Variants in TNRC18 observed in about 807,000 individuals in gnomAD.
The protein encoded by TNRC18 is trinucleotide repeat-containing gene 18 protein.
A neutral mutation model predicts 226.7 loss-of-function variants in TNRC18; 69 were observed. That is an observed-to-expected ratio of 0.30 (90% CI 0.25 to 0.37). The LOEUF is 0.37. Among genes scored for constraint, TNRC18 ranks in the 10% least tolerant of loss-of-function variants. The pLI is 1.00. For missense variants in TNRC18, 4,754 were observed against 4,256.6 expected (o/e 1.12, Z -3.25); for synonymous variants, 2,449 against 1,927.6 (o/e 1.27, Z -7.09).
In TNRC18 at chr7:5,371,950, C is replaced by T. The variant is rs146790892; in HGVS notation, c.3230-586G>A. On this transcript the variant is annotated intron_variant, in intron 10 of 29. Transcript: ENST00000430969. ...TTCACTCTTGTTGCCCAGGCTGGAA[C>T]GCAACGGCGCCATCTCAGCTCACTG... Among the ~76,000 whole-genome samples the T allele has an allele frequency of 5.9e-5, 9 of 152,292 alleles. No individual in the cohort carries two copies. The East Asian group carries it at 7.7e-4, about 13-fold the overall frequency.
rs541881314 is a variant in TNRC18, at chr7:5,358,453, C to T, written c.4833+945G>A. ...AAGTAAAAACGATCTGGTGTTAACA[C>T]TGGCAATCTTTCTTCTCTTAGACCC... On this transcript the variant is annotated intron_variant, in intron 15 of 29. Transcript: ENST00000430969. Among the ~76,000 whole-genome samples, 21 of 152,322 alleles carry T rather than the reference C, an allele frequency of 1.4e-4. No homozygotes were observed. In the South Asian group the frequency reaches 4.4e-3, roughly 32 times the overall value.
At chr7:5,354,967 C>G (rs947359990) in intron 16 of TNRC18, among the ~76,000 whole-genome samples, 3 of 152,236 alleles carry the variant, frequency 2.0e-5, no homozygotes, top group African/African-American at 7.2e-5. Context: ...CCTTCTCCGC[C>G]CATGAACCGG....
At chr7:5,341,499 C>T (rs1168754059) in intron 18 of TNRC18, among the ~76,000 whole-genome samples, 1 of 151,180 alleles carries the variant, frequency 6.6e-6, no homozygotes, top group African/African-American at 2.4e-5. Flanking sequence ...TGTGGTGGCT[C>T]ACACCTGTAA....
intron 2 of TNRC18, among the ~76,000 whole-genome samples, chr7:5,400,590 C>T (rs1012253641): frequency 1.3e-5 from 2 of 152,068 alleles, no homozygotes; most frequent in African/African-American, 2.4e-5. Context: ...CCAGCCTGGG[C>T]GACAGAGTGA....
In TNRC18 at chr7:5,320,516, G is replaced by A. The variant is rs758130042; in HGVS notation, c.6636+16C>T. ...CCCACCCCGAGCCTCCCGAGGCCCCGCCCCTCCCCCCTCACCGCCTCCTGC... is the reference window on the plus strand; with the variant it reads ...CCCACCCCGAGCCTCCCGAGGCCCCACCCCTCCCCCCTCACCGCCTCCTGC... On this transcript the variant is annotated intron_variant, in intron 23 of 29. Coordinates refer to ENST00000430969, the MANE Select transcript of TNRC18 (RefSeq NM_001080495.3). The A allele has an allele frequency of 3.2e-4, 326 of 1,027,584 alleles. No homozygotes were observed. Among genetic ancestry groups the A allele is most frequent in the Non-Finnish European group, 3.9e-4 (261 of 661,820 alleles). The allele number at this position is 1,027,584 out of a possible 1,614,324, so 63.7% of individuals were successfully genotyped here. A position where few individuals can be genotyped will look rare whatever the true frequency, so the allele number is the denominator to read the frequency against.
chr7:5,357,750 A>G (rs1477649767), intron 15 of TNRC18, among the ~76,000 whole-genome samples: 1 of 152,106 alleles, frequency 6.6e-6, no homozygotes, highest in Non-Finnish European at 1.5e-5. Context: ...CAGCCTCCCA[A>G]ACTGTTGGGA....
At chr7:5,343,563 G>C (rs1375873241) in intron 18 of TNRC18, among the ~76,000 whole-genome samples, 2 of 152,108 alleles carry the variant, frequency 1.3e-5, no homozygotes, top group African/African-American at 4.8e-5. Context: ...GCTGGGACCA[G>C]AGGCGCATGC....
chr7:5,370,600 G>T lies in TNRC18; in HGVS notation c.3994C>A (p.Leu1332Met). 1.2e-6 allele frequency: 2 copies of T among 1,613,356 alleles called. No homozygotes were observed. Among genetic ancestry groups the T allele is most frequent in the Non-Finnish European group, 1.7e-6 (2 of 1,179,758 alleles). Reference sequence around the variant, plus strand: ...GCCAGTGGGTCCTCCAGACTGGGCAGGAACTGGTCAGAGCTTGCCTCTTCC... The same window carrying T: ...GCCAGTGGGTCCTCCAGACTGGGCATGAACTGGTCAGAGCTTGCCTCTTCC... ...FLEEASSDQF[L>M]PSLEDPLAGM... The change falls in exon 11 of 30, where the codon CTG (leucine) becomes ATG (methionine). Residue 1332 changes from leucine to methionine, a missense_variant. Physicochemically the swap from Leu to Met is conservative, Grantham distance 15 (BLOSUM62 2). Coordinates refer to ENST00000430969, the MANE Select transcript of TNRC18 (RefSeq NM_001080495.3).
rs1277587029 is a variant in TNRC18, at chr7:5,389,464, T to TG, written c.488-129_488-128insC. 8.3e-6 allele frequency: 9 copies of TG among 1,083,188 alleles called. No individual in the cohort carries two copies. The East Asian group carries it at 1.2e-4, about 15-fold the overall frequency. 67.1% of individuals were successfully genotyped at this position (1,083,188 alleles called of 1,614,324 possible). On this transcript the variant is annotated intron_variant, in intron 4 of 29. Coordinates refer to ENST00000430969, the MANE Select transcript of TNRC18 (RefSeq NM_001080495.3). ...CTCCCCCAGTGTTTTGGTTTTGGTT[T>TG]TTTTTTTCAGAAAGAGTCTCGCTCT...
chr7:5,421,294 A>C lies in TNRC18; in HGVS notation c.-48T>G. On this transcript the variant is annotated 5_prime_UTR_variant, in exon 2 of 30. Transcript: ENST00000430969. The stretch of plus-strand genomic sequence containing the variant: ...AGCCCCCCACCCGGCCCGCAGGCCT[A>C]GCTCAGTGGGACCTAAAAGTTCGGC... The C allele has an allele frequency of 8.0e-7, 1 of 1,246,312 alleles. No individual in the cohort carries two copies. Among genetic ancestry groups the C allele is most frequent in the Non-Finnish European group, 1.0e-6 (1 of 992,492 alleles). 77.2% of individuals were successfully genotyped at this position (1,246,312 alleles called of 1,614,324 possible).
At chr7:5,364,363 CAAG>C (rs931552199) in intron 11 of TNRC18, among the ~76,000 whole-genome samples, 16 of 151,890 alleles carry the variant, frequency 1.1e-4, no homozygotes, top group Admixed American at 3.3e-4. Flanking sequence ...GAGGCTGAGG[CAAG>C]AAGATCACTT....
At position 5,357,268 on chromosome 7, in the gene TNRC18, A is replaced by T. The variant is rs751683994; in HGVS notation, c.4842T>A (p.Ile1614=). The T allele has an allele frequency of 6.2e-7, 1 of 1,609,672 alleles. No homozygotes were observed. The highest frequency in any genetic ancestry group is 2.2e-5 in the East Asian group (1 of 44,818). ...GGTCGCTGGCCATCTTCTTCTTCTT[A>T]ATCTTTAGCTGGAGAGGGAAGGTGG... ...ASSDFISQLK[I]KKKKMASDQE... is the part of the protein sequence containing the mutation. Residue 1614 remains isoleucine, a synonymous_variant, in exon 16 of 30, where the codon ATT becomes ATA. Transcript: ENST00000430969.
rs1554272402 is a variant in TNRC18, at chr7:5,323,568, G to GTTT, written c.6442+643_6442+645dup. Among the ~76,000 whole-genome samples, 2 of 122,272 alleles carry GTTT rather than the reference G, an allele frequency of 1.6e-5. 1 individual carries two copies. The allele number at this position is 122,272 out of a possible 152,430, so 80.2% of individuals were successfully genotyped here. On this transcript the variant is annotated intron_variant, in intron 21 of 29. Transcript: ENST00000430969. ...CTCGTTCTCTGTGCAGCACCAGACA[G>GTTT]TTTTTTTTTTTTTGAGACACAGTTT... is the stretch of plus-strand genomic sequence containing the variant.
chr7:5,324,399 GGGGTCCTGCC>G lies in TNRC18; in HGVS notation c.6301-54_6301-45del, dbSNP rs774510884. ...CGACAAATGACTTAGGACCTGAACA[GGGGTCCTGCC>G]GGGTTGGGGACCCTCTCTGGAAACC... On this transcript the variant is annotated intron_variant, in intron 20 of 29. Coordinates refer to ENST00000430969, the MANE Select transcript of TNRC18 (RefSeq NM_001080495.3). The surrounding 1 kb of genome is among the most constrained non-coding windows in gnomAD (Gnocchi z 4.8). 10 of 1,604,624 alleles carry G rather than the reference GGGGTCCTGCC, an allele frequency of 6.2e-6. No individual in the cohort carries two copies. The South Asian group carries it at 1.1e-4, about 18-fold the overall frequency.
chr7:5,346,307 G>C (rs2128140456), intron 17 of TNRC18, among the ~76,000 whole-genome samples: 1 of 152,308 alleles, frequency 6.6e-6, no homozygotes. Context: ...CCTGAGGGCT[G>C]GCGGCAGGAG....
intron 19 of TNRC18, among the ~76,000 whole-genome samples, chr7:5,331,855 A>C (rs1789557450): frequency 6.6e-6 from 1 of 152,202 alleles, no homozygotes; most frequent in Admixed American, 6.5e-5. Flanking sequence ...GGTTGCAGTG[A>C]GCCATGATCA....
chr7:5,344,286 C>T (rs553448720), intron 18 of TNRC18, among the ~76,000 whole-genome samples: 2 of 152,244 alleles, frequency 1.3e-5, no homozygotes, highest in South Asian at 2.1e-4. Flanking sequence ...CAGAGGGCAG[C>T]GGGAAGCCAT....
chr7:5,348,610 G>A (rs899603505), intron 17 of TNRC18, among the ~76,000 whole-genome samples: 5 of 151,336 alleles, frequency 3.3e-5, no homozygotes, highest in African/African-American at 4.8e-5. Context: ...AGAGGAAGGC[G>A]GTGAAGGTGA....
rs971003250 is a variant in TNRC18 at position 5,370,359 on chromosome 7, G to C, written c.4219+16C>G. ...AACTCACGAATCTGCAGAACTCAGAGGTCGCGCACTCTCACCTCCCATCTC... is the reference window on the plus strand; with the variant it reads ...AACTCACGAATCTGCAGAACTCAGACGTCGCGCACTCTCACCTCCCATCTC... On this transcript the variant is annotated intron_variant, in intron 11 of 29. Transcript: ENST00000430969. The C allele has an allele frequency of 6.5e-7, 1 of 1,533,618 alleles. No homozygotes were observed. Among genetic ancestry groups the C allele is most frequent in the Non-Finnish European group, 8.8e-7 (1 of 1,140,058 alleles).
Sources: allele counts gnomAD v4.1 joint callset (sites outside exome capture counted in the v4.1 genomes callset), GRCh38; gene constraint gnomAD v4.1.1; non-coding constraint Gnocchi (gnomAD v3.1); transcripts MANE v1.5; gene names NCBI Gene and HGNC (gene_info 2026-07-23, HGNC 2026-07-21).